Variants in PRKD1 observed in about 807,000 individuals in gnomAD.
PRKD1 encodes the protein protein kinase D1.
In PRKD1, 63 loss-of-function variants were observed where a neutral mutation model predicts 95.9. That is an observed-to-expected ratio of 0.66 (90% CI 0.54 to 0.81). The LOEUF is 0.81. Ranked by LOEUF, PRKD1 falls within the 30% of genes least tolerant of loss-of-function variation. The pLI is 0.00. For synonymous variants in PRKD1, 425 were observed against 423.1 expected (o/e 1.00, Z -0.05); for missense variants, 1,048 against 1,165.3 (o/e 0.90, Z 1.47).
rs2139192742 is a variant in PRKD1, at chr14:29,790,610, T to A, written c.265-64936A>T. Among the ~76,000 whole-genome samples the A allele has an allele frequency of 1.3e-5, 2 of 152,302 alleles. 1 individual carries two copies. The highest frequency in any genetic ancestry group is 6.8e-3 in the Middle Eastern group (2 of 294). On this transcript the variant is annotated intron_variant, in intron 1 of 17. Coordinates refer to ENST00000331968, the MANE Select transcript of PRKD1 (RefSeq NM_002742.3). Reference sequence around the variant, plus strand: ...TTTAATCTCATTGCTCATATTTCTGTAAAGTTTTCTTCAATTTTTAAGCTT... The same window carrying A: ...TTTAATCTCATTGCTCATATTTCTGAAAAGTTTTCTTCAATTTTTAAGCTT...
intron 1 of PRKD1, among the ~76,000 whole-genome samples, chr14:29,916,680 C>G (rs1238557829): frequency 6.6e-6 from 1 of 152,120 alleles, no homozygotes; most frequent in African/African-American, 2.4e-5. Context: ...AGACACAGAC[C>G]AAGCCTTCCA....
intron 2 of PRKD1, among the ~76,000 whole-genome samples, chr14:29,701,723 C>T (rs1294973182): frequency 6.6e-6 from 1 of 152,082 alleles, no homozygotes; most frequent in Non-Finnish European, 1.5e-5. Context: ...AGCAATTGAA[C>T]TTTTTAGTCT....
intron 1 of PRKD1, among the ~76,000 whole-genome samples, chr14:29,921,988 T>C (rs1895128902): frequency 6.6e-6 from 1 of 152,204 alleles, no homozygotes; most frequent in Non-Finnish European, 1.5e-5. Context: ...AACTGTCAAA[T>C]AGTACATACC....
intron 1 of PRKD1, among the ~76,000 whole-genome samples, chr14:29,745,051 TG>T (rs1286596189): frequency 3.7e-4 from 57 of 152,284 alleles, no homozygotes; most frequent in African/African-American, 1.3e-3. Context: ...CCTTTGTGCT[TG>T]TGGCTCCTCC....
chr14:29,619,508 T>C (rs1357974837), intron 13 of PRKD1, among the ~76,000 whole-genome samples: 1 of 152,192 alleles, frequency 6.6e-6, no homozygotes, highest in Non-Finnish European at 1.5e-5. Flanking sequence ...CAATGTTAAC[T>C]GTCCCCCTGA....
intron 2 of PRKD1, among the ~76,000 whole-genome samples, chr14:29,703,285 C>T (rs1317401852): frequency 6.6e-6 from 1 of 152,158 alleles, no homozygotes; most frequent in African/African-American, 2.4e-5. Flanking sequence ...TACTTTCTCC[C>T]CTTTCAGCCT....
At chr14:29,824,193 T>C (rs1243697846) in intron 1 of PRKD1, among the ~76,000 whole-genome samples, 1 of 152,314 alleles carries the variant, frequency 6.6e-6, no homozygotes, top group Non-Finnish European at 1.5e-5. Context: ...TGTTCCTTTA[T>C]CATTTCAGAG....
intron 3 of PRKD1, among the ~76,000 whole-genome samples, chr14:29,664,931 CA>C (rs1297750717): frequency 6.6e-6 from 1 of 152,190 alleles, no homozygotes; most frequent in Non-Finnish European, 1.5e-5. Context: ...AATGTGTATT[CA>C]ATGTCTACTA....
At chr14:29,797,150 A>G (rs1889852764) in intron 1 of PRKD1, among the ~76,000 whole-genome samples, 1 of 152,190 alleles carries the variant, frequency 6.6e-6, no homozygotes, top group Admixed American at 6.5e-5. Flanking sequence ...CACCCTAACT[A>G]CATATCAAAA....
intron 1 of PRKD1, among the ~76,000 whole-genome samples, chr14:29,881,475 C>T (rs1275762576): frequency 1.3e-5 from 2 of 152,064 alleles, no homozygotes; most frequent in East Asian, 1.9e-4. Flanking sequence ...TGGACTAACA[C>T]ACCACATTTC....
At chr14:29,799,809 G>A (rs945186390) in intron 1 of PRKD1, among the ~76,000 whole-genome samples, 1 of 152,200 alleles carries the variant, frequency 6.6e-6, no homozygotes, top group Non-Finnish European at 1.5e-5. Context: ...GGAGTGGCAA[G>A]AAAATGAACT....
intron 16 of PRKD1, among the ~76,000 whole-genome samples, chr14:29,589,858 TA>T (rs1373857910): frequency 1.3e-5 from 2 of 152,108 alleles, no homozygotes; most frequent in African/African-American, 4.8e-5. Context: ...TATATCTCAT[TA>T]TTAGACCTGC....
intron 13 of PRKD1, among the ~76,000 whole-genome samples, chr14:29,600,592 G>C (rs748218178): frequency 6.6e-6 from 1 of 152,124 alleles, no homozygotes; most frequent in Non-Finnish European, 1.5e-5. Context: ...AGGATGAGGA[G>C]GACCAACTTT....
intron 4 of PRKD1, among the ~76,000 whole-genome samples, chr14:29,639,427 C>T (rs1205638906): frequency 6.6e-6 from 1 of 152,042 alleles, no homozygotes; most frequent in Non-Finnish European, 1.5e-5. Context: ...CAAGACCAGC[C>T]TGGCTAACAT....
At chr14:29,752,801 AAAG>A (rs1471069417) in intron 1 of PRKD1, among the ~76,000 whole-genome samples, 1 of 152,108 alleles carries the variant, frequency 6.6e-6, no homozygotes, top group African/African-American at 2.4e-5. Flanking sequence ...AAAAAAGTAA[AAAG>A]AATATGTTTA....
Position 29,810,050 on chromosome 14 carries a change from G to A in PRKD1, c.265-84376C>T, listed in dbSNP as rs1594538853. Reference sequence around the variant, plus strand: ...CCTAAACAGAAGGAGGGAGATGAGGGAATAGCTGGTGGATGAACCAGTCAG... The same window carrying A: ...CCTAAACAGAAGGAGGGAGATGAGGAAATAGCTGGTGGATGAACCAGTCAG... On this transcript the variant is annotated intron_variant, in intron 1 of 17. Transcript: ENST00000331968. Among the ~76,000 whole-genome samples, 5 of 152,246 alleles carry A rather than the reference G, an allele frequency of 3.3e-5. 1 individual carries two copies. In the South Asian group the frequency reaches 1.0e-3, roughly 32 times the overall value.
intron 1 of PRKD1, among the ~76,000 whole-genome samples, chr14:29,752,898 A>C (rs960637264): frequency 2.0e-5 from 3 of 152,252 alleles, no homozygotes; most frequent in African/African-American, 7.2e-5. Flanking sequence ...AGATAAAAAA[A>C]CCTAGTAGTT....
intron 1 of PRKD1, among the ~76,000 whole-genome samples, chr14:29,862,766 A>G (rs1375763516): frequency 6.6e-6 from 1 of 152,062 alleles, no homozygotes; most frequent in Non-Finnish European, 1.5e-5. Flanking sequence ...CTGGTTATTA[A>G]TCCTTTGTCA....
Position 29,927,599 on chromosome 14 carries a change from C to T in PRKD1, c.-87G>A. ...AGTTTTGCAGCCGCTGAGCCAGGAGCTTCTTTCTCCGAGAGCCCAGACGGA... is the reference window on the plus strand; with the variant it reads ...AGTTTTGCAGCCGCTGAGCCAGGAGTTTCTTTCTCCGAGAGCCCAGACGGA... On this transcript the variant is annotated 5_prime_UTR_variant, in exon 1 of 18. Transcript: ENST00000331968. The T allele has an allele frequency of 9.9e-7, 1 of 1,013,134 alleles. No homozygotes were observed. Among genetic ancestry groups the T allele is most frequent in the East Asian group, 7.0e-5 (1 of 14,260 alleles). The allele number at this position is 1,013,134 out of a possible 1,614,324, so 62.8% of individuals were successfully genotyped here.
Sources: gnomAD v4.1 joint callset for allele counts (sites outside exome capture counted in the v4.1 genomes callset) on GRCh38, gnomAD v4.1.1 for gene constraint, MANE v1.5 for transcripts, NCBI Gene and HGNC (gene_info 2026-07-23, HGNC 2026-07-21) for gene names.